Variants in GTF2A1 observed in about 807,000 individuals in gnomAD.
GTF2A1 encodes the protein general transcription factor IIA subunit 1, also known as transcription initiation factor IIA subunit 1.
GTF2A1 carries 12 observed loss-of-function variants against 54.1 expected under a neutral mutation model. That is an observed-to-expected ratio of 0.22 (90% confidence interval 0.14 to 0.36). The LOEUF (loss-of-function observed/expected upper bound fraction) is 0.36. GTF2A1 is among the 10% of genes least tolerant of loss of function. GTF2A1 has a pLI of 1.00. For missense variants in GTF2A1, 335 were observed against 442.2 expected (o/e 0.76, Z 2.17); for synonymous variants, 145 against 152.0 (o/e 0.95, Z 0.34).
At chr14:81,215,167 C>T (rs751782088) in intron 2 of GTF2A1, among the ~76,000 whole-genome samples, 14 of 152,184 alleles carry the variant, frequency 9.2e-5, no homozygotes, top group Non-Finnish European at 1.5e-4. Flanking sequence ...CACTTCATTA[C>T]GGAATATCAA....
At chr14:81,192,336 T>C (rs1011547232) in intron 7 of GTF2A1, among the ~76,000 whole-genome samples, 183 bp downstream of exon 7, 4 of 152,178 alleles carry the variant, frequency 2.6e-5, no homozygotes, top group African/African-American at 7.2e-5. Flanking sequence ...TTTATGAAGA[T>C]AAATATAGCC....
intron 6 of GTF2A1, among the ~76,000 whole-genome samples, chr14:81,193,489 C>G (rs1474645555): frequency 6.6e-6 from 1 of 152,108 alleles, no homozygotes; most frequent in South Asian, 2.1e-4. Flanking sequence ...TAAAGTCAGA[C>G]ATAAATACAG....
intron 2 of GTF2A1, among the ~76,000 whole-genome samples, chr14:81,204,671 T>C (rs1424351095): frequency 2.6e-5 from 4 of 152,218 alleles, no homozygotes; most frequent in Non-Finnish European, 5.9e-5. Flanking sequence ...CCGAAGGTCT[T>C]AGTAGTTATC....
chr14:81,208,996 T>G (rs897169509), intron 2 of GTF2A1, among the ~76,000 whole-genome samples: 1 of 152,216 alleles, frequency 6.6e-6, no homozygotes, highest in Non-Finnish European at 1.5e-5. Flanking sequence ...GACTCTGGAC[T>G]GTGGACATTT....
At chr14:81,204,666 G>T (rs984346483) in intron 2 of GTF2A1, among the ~76,000 whole-genome samples, 1 of 152,176 alleles carries the variant, frequency 6.6e-6, no homozygotes, top group African/African-American at 2.4e-5. Flanking sequence ...AACGCCCGAA[G>T]GTCTTAGTAG....
chr14:81,196,669 CT>C (rs1182468587), intron 5 of GTF2A1, among the ~76,000 whole-genome samples: 7 of 152,172 alleles, frequency 4.6e-5, no homozygotes, highest in Non-Finnish European at 1.0e-4. Flanking sequence ...CACCAAAGAA[CT>C]TTGCTTCAAA....
At position 81,192,830 on chromosome 14, in the gene GTF2A1, G is replaced by A. The variant is rs151035780; in HGVS notation, c.622C>T (p.Pro208Ser). 10 of 1,604,312 alleles carry A rather than the reference G, an allele frequency of 6.2e-6. No homozygotes were observed. The highest frequency in any genetic ancestry group is 1.1e-5 in the South Asian group (1 of 90,782). Residue 208 changes from proline (P) to serine (S), a missense_variant, in exon 7 of 9, where the codon CCT becomes TCT. Physicochemically the swap from Pro to Ser is moderately conservative, Grantham distance 74. This residue lies in a region of GTF2A1 where 306 missense variants were observed against 360.4 expected (regional missense o/e 0.85). Transcript: ENST00000553612. ...TGTGGTGAAATCCCTCCAGGAAGAG[G>A]AGCCAGCACCTAAAGCAAAAGAAAA... ...QAPVIQQVLA[P>S]LPGGISPQTG...
rs1892530695 is a variant in GTF2A1 at position 81,176,444 on chromosome 14, T to A, written c.*3779A>T. On this transcript the variant is annotated 3_prime_UTR_variant, in exon 9 of 9. Coordinates refer to ENST00000553612, the MANE Select transcript of GTF2A1 (RefSeq NM_015859.4). ...TAGTCCTGATGTAGACTGGACTGAT[T>A]AAGGAACCTTGACTGAAAGAGTAGT... 1 of 152,188 alleles carries A rather than the reference T, an allele frequency of 6.6e-6. No individual in the cohort carries two copies. 9.4% of individuals were successfully genotyped at this position (152,188 alleles called of 1,614,324 possible).
In GTF2A1 at chr14:81,178,529, C is replaced by T. The variant is rs1018038576; in HGVS notation, c.*1694G>A. Reference sequence around the variant, plus strand: ...CTAACTACTAGCATGCTAGACACCACCATTAACACCAAAGTTTAGAACATA... The same window carrying T: ...CTAACTACTAGCATGCTAGACACCATCATTAACACCAAAGTTTAGAACATA... On this transcript the variant is annotated 3_prime_UTR_variant, in exon 9 of 9. Coordinates refer to ENST00000553612, the MANE Select transcript of GTF2A1 (RefSeq NM_015859.4). 2 of 151,958 alleles carry T rather than the reference C, an allele frequency of 1.3e-5. No homozygotes were observed. The highest frequency in any genetic ancestry group is 2.9e-5 in the Non-Finnish European group (2 of 67,996). The allele number at this position is 151,958 out of a possible 1,614,324, so 9.4% of individuals were successfully genotyped here. A position where few individuals can be genotyped will look rare whatever the true frequency, so the allele number is the denominator to read the frequency against.
At position 81,194,859 on chromosome 14, in the gene GTF2A1, T is replaced by C. The variant is rs1384043241; in HGVS notation, c.612+1249A>G. On this transcript the variant is annotated intron_variant, in intron 6 of 8. Coordinates refer to ENST00000553612, the MANE Select transcript of GTF2A1 (RefSeq NM_015859.4). ...AAAAGTTTTAGGATTTTTAGAAAGA[T>C]AGGCCAGGCACAGTGGCTCACGCCC... Among the ~76,000 whole-genome samples, 4 of 152,336 alleles carry C rather than the reference T, an allele frequency of 2.6e-5. 1 individual carries two copies. In the South Asian group the frequency reaches 6.2e-4, roughly 24 times the overall value.
intron 2 of GTF2A1, among the ~76,000 whole-genome samples, chr14:81,207,757 C>A (rs1358086458): frequency 1.3e-5 from 2 of 152,222 alleles, no homozygotes; most frequent in Non-Finnish European, 2.9e-5. Flanking sequence ...CGATGAGGAA[C>A]TTGTTAGGAA....
chr14:81,220,136 T>A (rs1381081114), intron 1 of GTF2A1, among the ~76,000 whole-genome samples: 2 of 151,124 alleles, frequency 1.3e-5, no homozygotes, highest in Non-Finnish European at 3.0e-5. Flanking sequence ...GACGGGCCCC[T>A]CGGGGGGAAG....
chr14:81,219,094 T>A (rs1893548600), intron 1 of GTF2A1, among the ~76,000 whole-genome samples: 1 of 152,198 alleles, frequency 6.6e-6, no homozygotes, highest in South Asian at 2.1e-4. Context: ...GGCTAGACCA[T>A]CTGATCTAAA....
chr14:81,189,490 C>T (rs376961457), intron 7 of GTF2A1, among the ~76,000 whole-genome samples: 7 of 151,850 alleles, frequency 4.6e-5, no homozygotes, highest in South Asian at 2.1e-4. Context: ...GCTAACACAG[C>T]GAAACCCCAT....
intron 6 of GTF2A1, among the ~76,000 whole-genome samples, chr14:81,194,486 A>G (rs1470764725): frequency 6.6e-6 from 1 of 152,228 alleles, no homozygotes; most frequent in Non-Finnish European, 1.5e-5. Flanking sequence ...ACAGCAGTAC[A>G]TAATTTTGGA....
In GTF2A1 at chr14:81,198,816, A is replaced by T. The variant is rs538100590; in HGVS notation, c.403-1332T>A. On this transcript the variant is annotated intron_variant, in intron 4 of 8. Coordinates refer to ENST00000553612, the MANE Select transcript of GTF2A1 (RefSeq NM_015859.4). ...ATGCTAGTGTCAGAGAAGTCAACAA[A>T]CTTAGAAAATTATTAAACTGAGTTA... Among the ~76,000 whole-genome samples the T allele has an allele frequency of 3.5e-4, 54 of 152,322 alleles. 1 individual carries two copies. In the South Asian group the frequency reaches 0.011, roughly 32 times the overall value.
chr14:81,219,456 G>C (rs1893561272), intron 1 of GTF2A1, among the ~76,000 whole-genome samples: 1 of 152,198 alleles, frequency 6.6e-6, no homozygotes, highest in South Asian at 2.1e-4. Flanking sequence ...ATATTAGAGA[G>C]CGGCAATGGC....
At chr14:81,204,247 C>T in intron 2 of GTF2A1, 143 bp from the exon 3 acceptor site, 3 of 783,710 alleles carry the variant, frequency 3.8e-6, no homozygotes, top group Non-Finnish European at 6.8e-6. Flanking sequence ...GTAATTCTAA[C>T]CCAAGTGAAA....
chr14:81,210,739 G>C (rs1047292504), intron 2 of GTF2A1, among the ~76,000 whole-genome samples: 1 of 152,066 alleles, frequency 6.6e-6, no homozygotes, highest in African/African-American at 2.4e-5. Flanking sequence ...ATTTTTAGTA[G>C]ATACGGGGTT....
Sources: gnomAD v4.1 joint callset for allele counts (sites outside exome capture counted in the v4.1 genomes callset) on GRCh38, gnomAD v4.1.1 for gene constraint, gnomAD v4.1.1 regional missense constraint, MANE v1.5 for transcripts, NCBI Gene and HGNC (gene_info 2026-07-23, HGNC 2026-07-21) for gene names.